Variants in ANAPC10 observed in about 807,000 individuals in gnomAD.
ANAPC10 encodes the protein anaphase-promoting complex subunit 10.
ANAPC10 carries 12 observed loss-of-function variants against 22.0 expected under a neutral mutation model. The observed-to-expected ratio is 0.55, with a 90% CI of 0.35 to 0.88. The LOEUF is 0.88. Ranked by LOEUF, ANAPC10 falls within the 40% of genes least tolerant of loss-of-function variation. ANAPC10 has a pLI of 0.01. For missense variants in ANAPC10, 188 were observed against 220.9 expected (o/e 0.85, Z 0.94); for synonymous variants, 65 against 69.5 (o/e 0.94, Z 0.32).
intron 4 of ANAPC10, among the ~76,000 whole-genome samples, chr4:145,052,713 A>G (rs563357735): frequency 6.6e-6 from 1 of 152,092 alleles, no homozygotes; most frequent in South Asian, 2.1e-4. Context: ...CATCCTGGGT[A>G]ACACAGTGAA....
At chr4:145,029,758 A>C (rs1737271434) in intron 4 of ANAPC10, among the ~76,000 whole-genome samples, 1 of 152,146 alleles carries the variant, frequency 6.6e-6, no homozygotes, top group African/African-American at 2.4e-5. Flanking sequence ...AGGGATCCAA[A>C]AGCTTAGGGA....
intron 4 of ANAPC10, among the ~76,000 whole-genome samples, chr4:145,041,022 TA>T (rs904830361): frequency 6.6e-6 from 1 of 151,936 alleles, no homozygotes; most frequent in African/African-American, 2.4e-5. Flanking sequence ...CCAGTTATAT[TA>T]AAAAAAACAA....
intron 4 of ANAPC10, among the ~76,000 whole-genome samples, chr4:145,034,747 G>A (rs1010316931): frequency 1.3e-5 from 2 of 151,854 alleles, no homozygotes; most frequent in African/African-American, 2.4e-5. Context: ...GGACAGGGAA[G>A]GAAGGCAGGC....
chr4:145,074,373 A>G (rs574438493), intron 3 of ANAPC10, among the ~76,000 whole-genome samples: 1 of 152,118 alleles, frequency 6.6e-6, no homozygotes, highest in East Asian at 1.9e-4. Flanking sequence ...TTTTTAATAT[A>G]TTCTATTCAA....
chr4:144,999,820 A>C (rs964487191), intron 4 of ANAPC10, among the ~76,000 whole-genome samples: 5 of 152,228 alleles, frequency 3.3e-5, no homozygotes, highest in African/African-American at 1.2e-4. Context: ...CGGCTACAGT[A>C]ACCTAAACAG....
chr4:145,079,221 T>C (rs937255073), intron 3 of ANAPC10, among the ~76,000 whole-genome samples: 16 of 152,286 alleles, frequency 1.1e-4, no homozygotes, highest in African/African-American at 3.8e-4. Flanking sequence ...GCAAAGGACA[T>C]GAACGGACAT....
At chr4:145,020,729 A>G (rs1175686628) in intron 4 of ANAPC10, among the ~76,000 whole-genome samples, 1 of 152,142 alleles carries the variant, frequency 6.6e-6, no homozygotes. Context: ...AGAATTCAGT[A>G]AAGTTTCCAG....
At chr4:145,014,406 C>T (rs1419030590) in intron 4 of ANAPC10, among the ~76,000 whole-genome samples, 2 of 151,908 alleles carry the variant, frequency 1.3e-5, no homozygotes, top group Non-Finnish European at 2.9e-5. Flanking sequence ...GGAACCTCAC[C>T]CCTATCCCCC....
At chr4:145,087,493 A>C (rs1343479798) in intron 2 of ANAPC10, among the ~76,000 whole-genome samples, 2 of 152,138 alleles carry the variant, frequency 1.3e-5, no homozygotes, top group Admixed American at 6.5e-5. Flanking sequence ...AAATGTCTTA[A>C]CTATGAAGAC....
At chr4:144,997,280 T>A (rs1731766115) in intron 4 of ANAPC10, among the ~76,000 whole-genome samples, 1 of 152,190 alleles carries the variant, frequency 6.6e-6, no homozygotes, top group Non-Finnish European at 1.5e-5. Context: ...CCAAGATACA[T>A]ACTTGTCAGA....
chr4:145,062,621 A>C (rs1435011161), intron 4 of ANAPC10, among the ~76,000 whole-genome samples: 1 of 152,126 alleles, frequency 6.6e-6, no homozygotes, highest in Non-Finnish European at 1.5e-5. Context: ...GAAAAGAAAA[A>C]AAAAAAGTAA....
intron 2 of ANAPC10, among the ~76,000 whole-genome samples, chr4:145,084,678 G>C (rs1401352210): frequency 6.6e-6 from 1 of 152,028 alleles, no homozygotes; most frequent in Admixed American, 6.6e-5. Flanking sequence ...TGTAAAAATT[G>C]GGCTATTACT....
chr4:145,037,887 C>T (rs1738834561), intron 4 of ANAPC10, among the ~76,000 whole-genome samples: 1 of 145,800 alleles, frequency 6.9e-6, no homozygotes, highest in South Asian at 2.1e-4. Context: ...GTCTAGGCCC[C>T]AGTGAACCAT....
chr4:145,081,076 G>C (rs927952701), intron 3 of ANAPC10, among the ~76,000 whole-genome samples: 1 of 152,004 alleles, frequency 6.6e-6, no homozygotes, highest in Non-Finnish European at 1.5e-5. Flanking sequence ...TTCGAGACCA[G>C]CTTGGCCAAC....
At chr4:145,018,082 C>A (rs1369480901) in intron 4 of ANAPC10, among the ~76,000 whole-genome samples, 1 of 150,408 alleles carries the variant, frequency 6.6e-6, no homozygotes, top group Non-Finnish European at 1.5e-5. Flanking sequence ...CAAACCTGCA[C>A]GTTGTGCACA....
At chr4:145,067,312 C>A (rs1743845637) in intron 3 of ANAPC10, among the ~76,000 whole-genome samples, 1 of 152,128 alleles carries the variant, frequency 6.6e-6, no homozygotes, top group African/African-American at 2.4e-5. Flanking sequence ...ATAGTGAATG[C>A]TCACTATACG....
intron 4 of ANAPC10, among the ~76,000 whole-genome samples, chr4:145,007,831 C>A (rs1733644151): frequency 1.4e-5 from 2 of 145,708 alleles, no homozygotes; most frequent in African/African-American, 2.6e-5. Context: ...AAGATCAGAG[C>A]AGAATTGAAG....
intron 3 of ANAPC10, among the ~76,000 whole-genome samples, chr4:145,065,416 T>C (rs1743535033): frequency 1.3e-5 from 2 of 152,016 alleles, no homozygotes; most frequent in South Asian, 2.1e-4. Flanking sequence ...TTTAAACAAC[T>C]GATAGTACTC....
At chr4:145,079,672 A>G (rs572722892) in intron 3 of ANAPC10, among the ~76,000 whole-genome samples, 9 of 152,324 alleles carry the variant, frequency 5.9e-5, no homozygotes, top group African/African-American at 2.2e-4. Flanking sequence ...TATTGTAAAC[A>G]TACACCATGG....
Sources: gnomAD v4.1 joint callset for allele counts (sites outside exome capture counted in the v4.1 genomes callset) on GRCh38, gnomAD v4.1.1 for gene constraint, MANE v1.5 for transcripts, NCBI Gene and HGNC (gene_info 2026-07-23, HGNC 2026-07-21) for gene names.